The following CSTPP1 variants were observed in gnomAD, a reference collection of about 807,000 sequenced individuals.
CSTPP1 encodes UPF0705 protein C11orf49.
At chr11:47,104,949 C>T in the CSTPP1 span, among the ~76,000 whole-genome samples, 4 of 152,238 alleles carry the variant, frequency 2.6e-5, no homozygotes, top group African/African-American at 9.6e-5. Context: ...AAGCCAGAAT[C>T]TGGGGTGGGA....
chr11:46,994,092 GT>G, the CSTPP1 span, among the ~76,000 whole-genome samples: 1 of 152,304 alleles, frequency 6.6e-6, no homozygotes, highest in Admixed American at 6.5e-5. Flanking sequence ...TGTTATTGGT[GT>G]ATAGGAATGC....
the CSTPP1 span, among the ~76,000 whole-genome samples, chr11:47,095,439 T>G: frequency 6.6e-6 from 1 of 152,226 alleles, no homozygotes; most frequent in Admixed American, 6.5e-5. Flanking sequence ...CACCCTTTTT[T>G]TCTTTCCCTT....
chr11:47,107,795 T>C, the CSTPP1 span, among the ~76,000 whole-genome samples: 1 of 152,198 alleles, frequency 6.6e-6, no homozygotes, highest in Non-Finnish European at 1.5e-5. Context: ...ACCCCTGCAA[T>C]AGAGATTTAT....
the CSTPP1 span, among the ~76,000 whole-genome samples, chr11:47,024,201 A>G: frequency 1.3e-5 from 2 of 151,970 alleles, no homozygotes; most frequent in South Asian, 2.1e-4. Context: ...CTGAGACCAC[A>G]GGTGTGTGCC....
the CSTPP1 span, chr11:47,157,755 G>A: frequency 6.6e-7 from 1 of 1,522,348 alleles, no homozygotes; most frequent in Non-Finnish European, 9.1e-7. Flanking sequence ...TGAAAGTATG[G>A]ATGCAGAGGT....
the CSTPP1 span, among the ~76,000 whole-genome samples, chr11:46,946,339 G>A: frequency 2.0e-5 from 3 of 152,220 alleles, no homozygotes; most frequent in African/African-American, 7.2e-5. Context: ...AGGAGGCCGA[G>A]TAGATAAATT....
chr11:47,037,398 T>A, the CSTPP1 span, among the ~76,000 whole-genome samples: 1,810 of 122,960 alleles, frequency 0.015, 222 homozygotes, highest in African/African-American at 0.032. Flanking sequence ...TATTATTTTT[T>A]TTTTTTAATT....
the CSTPP1 span, among the ~76,000 whole-genome samples, chr11:46,976,821 G>A: frequency 1.3e-5 from 2 of 152,108 alleles, no homozygotes; most frequent in Non-Finnish European, 2.9e-5. Flanking sequence ...TGTGGAACCC[G>A]AATCTACGAG....
the CSTPP1 span, among the ~76,000 whole-genome samples, chr11:47,058,988 T>C: frequency 6.6e-6 from 1 of 152,054 alleles, no homozygotes; most frequent in Admixed American, 6.6e-5. Flanking sequence ...ATGGAACATA[T>C]ACACCACAGA....
the CSTPP1 span, among the ~76,000 whole-genome samples, chr11:46,969,797 C>T: frequency 1.3e-5 from 2 of 152,106 alleles, no homozygotes; most frequent in African/African-American, 2.4e-5. Context: ...CAGGGTCTCA[C>T]TCTGTCACCC....
the CSTPP1 span, among the ~76,000 whole-genome samples, chr11:46,988,909 G>T: frequency 2.0e-5 from 3 of 152,142 alleles, no homozygotes; most frequent in Non-Finnish European, 4.4e-5. Context: ...TCTAGAGGGA[G>T]GATATCTTTC....
the CSTPP1 span, among the ~76,000 whole-genome samples, chr11:46,962,571 G>A: frequency 1.5e-3 from 235 of 152,258 alleles, 3 homozygotes; most frequent in East Asian, 5.4e-3. Flanking sequence ...CGAACATGGA[G>A]TGTCTTTCCT....
the CSTPP1 span, among the ~76,000 whole-genome samples, chr11:46,959,521 G>A: frequency 6.6e-6 from 1 of 152,062 alleles, no homozygotes; most frequent in Non-Finnish European, 1.5e-5. Flanking sequence ...GTTGGGAAGA[G>A]GATCTAGAAA....
the CSTPP1 span, among the ~76,000 whole-genome samples, chr11:46,973,775 G>GGTGTGTGTGTGT: frequency 3.5e-5 from 2 of 57,640 alleles, no homozygotes; most frequent in African/African-American, 2.3e-4. Flanking sequence ...TATACTGGAG[G>GGTGTGTGTGTGT]GTGTATGTGT....
At chr11:46,995,611 T>C in the CSTPP1 span, among the ~76,000 whole-genome samples, 1 of 152,210 alleles carries the variant, frequency 6.6e-6, no homozygotes, top group East Asian at 1.9e-4. Flanking sequence ...TCATGCTGAG[T>C]TCTAGTTTGA....
At chr11:47,156,878 ACTT>A in the CSTPP1 span, 4 of 745,870 alleles carry the variant, frequency 5.4e-6, no homozygotes, top group South Asian at 1.9e-5. Flanking sequence ...AAGGTTGAGA[ACTT>A]CTGCTCTCAG....
chr11:47,095,009 T>C, the CSTPP1 span, among the ~76,000 whole-genome samples: 2 of 152,036 alleles, frequency 1.3e-5, no homozygotes, highest in African/African-American at 4.8e-5. Flanking sequence ...GATATTTTTA[T>C]TTTACTGATT....
chr11:47,034,086 A>T, the CSTPP1 span, among the ~76,000 whole-genome samples: 1 of 151,784 alleles, frequency 6.6e-6, no homozygotes, highest in Admixed American at 6.6e-5. Context: ...GTACCCTAGA[A>T]CTTAAAGTAT....
the CSTPP1 span, among the ~76,000 whole-genome samples, chr11:46,939,030 G>A: frequency 6.6e-6 from 1 of 150,376 alleles, no homozygotes; most frequent in Admixed American, 6.6e-5. Context: ...TCTTACTGTG[G>A]CCTTCCAAAG....
Sources: gnomAD v4.1 joint callset for allele counts (sites outside exome capture counted in the v4.1 genomes callset) on GRCh38, gnomAD v4.1.1 for gene constraint, MANE v1.5 for transcripts, NCBI Gene and HGNC (gene_info 2026-07-23, HGNC 2026-07-21) for gene names.